The following DNAJC3 variants were observed in gnomAD, a reference collection of about 807,000 sequenced individuals.
DNAJC3 encodes the protein dnaJ homolog subfamily C member 3.
Under a neutral mutation model 68.6 loss-of-function variants are expected in DNAJC3, and 38 were observed. That is an observed-to-expected ratio of 0.55 (90% CI 0.43 to 0.73). The LOEUF (loss-of-function observed/expected upper bound fraction) is 0.73. Among genes scored for constraint, DNAJC3 ranks in the 30% least tolerant of loss-of-function variants. DNAJC3 has a pLI of 0.00. For synonymous variants in DNAJC3, 203 were observed against 204.0 expected (o/e 1.00, Z 0.04); for missense variants, 526 against 591.9 (o/e 0.89, Z 1.16).
rs181850797 is a variant in DNAJC3, at chr13:95,718,226, T to C, written c.194-5016T>C. 2.2e-3 allele frequency among the ~76,000 whole-genome samples: 335 copies of C among 152,356 alleles called. 3 individuals are homozygous for C. The highest frequency in any genetic ancestry group is 3.4e-3 in the Non-Finnish European group (233 of 68,042). ...TGGATAATAGGAAAAATACTTATTT[T>C]CAAGGTTATCCAGTCTTGTATTGGT... On this transcript the variant is annotated intron_variant, in intron 2 of 11. Coordinates refer to ENST00000602402, the MANE Select transcript of DNAJC3 (RefSeq NM_006260.5).
rs529139375 is a variant in DNAJC3 at position 95,732,888 on chromosome 13, AT to A, written c.393+7643del. On this transcript the variant is annotated intron_variant, in intron 4 of 11. Transcript: ENST00000602402. ...TTCCATTTTCATTTGTTTCAAAAAA[AT>A]TTTTTTATTTCCATCTTAATTTCTT... Among the ~76,000 whole-genome samples, 543 of 151,928 alleles carry A rather than the reference AT, an allele frequency of 3.6e-3. 3 individuals are homozygous for A. Among genetic ancestry groups the A allele is most frequent in the African/African-American group, 0.012 (517 of 41,468 alleles).
intron 9 of DNAJC3, among the ~76,000 whole-genome samples, chr13:95,769,322 G>A (rs1365459840): frequency 6.6e-6 from 1 of 152,192 alleles, no homozygotes; most frequent in African/African-American, 2.4e-5. Flanking sequence ...TCTCATGGCT[G>A]ATGCTTTTTT....
chr13:95,777,989 T>C (rs1358191972), intron 9 of DNAJC3, among the ~76,000 whole-genome samples: 1 of 152,114 alleles, frequency 6.6e-6, no homozygotes, highest in Non-Finnish European at 1.5e-5. Flanking sequence ...TAGAAGTCAG[T>C]AACAGAAGGA....
intron 1 of DNAJC3, among the ~76,000 whole-genome samples, chr13:95,677,821 T>C (rs7330874): frequency 0.11 from 17,389 of 152,174 alleles, 1,057 homozygotes; most frequent in Middle Eastern, 0.18. Context: ...GAGGGGACAG[T>C]GTTGACTATT....
chr13:95,720,299 T>C (rs1881282456), intron 2 of DNAJC3, among the ~76,000 whole-genome samples: 1 of 152,220 alleles, frequency 6.6e-6, no homozygotes, highest in Non-Finnish European at 1.5e-5. Context: ...TTTCCAGTAT[T>C]ATTCTTTGCT....
At chr13:95,754,229 A>T (rs1357060506) in intron 4 of DNAJC3, among the ~76,000 whole-genome samples, 1 of 152,164 alleles carries the variant, frequency 6.6e-6, no homozygotes, top group African/African-American at 2.4e-5. Flanking sequence ...AAACTTACTC[A>T]GCTGGCAGGG....
chr13:95,783,208 A>G lies in DNAJC3; in HGVS notation c.1076-2731A>G, dbSNP rs563937386. Among the ~76,000 whole-genome samples the G allele has an allele frequency of 3.3e-5, 5 of 152,302 alleles. No homozygotes were observed. The East Asian group carries it at 9.6e-4, about 29-fold the overall frequency. On this transcript the variant is annotated intron_variant, in intron 9 of 11. Transcript: ENST00000602402. Reference sequence around the variant, plus strand: ...TAGTTATATCTGTGGGAAGTCTTACATCATCCATACTTAGGTTTCTAATTA... The same window carrying G: ...TAGTTATATCTGTGGGAAGTCTTACGTCATCCATACTTAGGTTTCTAATTA...
chr13:95,707,045 T>G (rs1880775617), intron 1 of DNAJC3, among the ~76,000 whole-genome samples: 1 of 152,050 alleles, frequency 6.6e-6, no homozygotes, highest in South Asian at 2.1e-4. Context: ...TGGACTGGGT[T>G]GGGTAGGGGG....
chr13:95,774,199 A>C (rs750575585), intron 9 of DNAJC3, among the ~76,000 whole-genome samples: 2 of 152,004 alleles, frequency 1.3e-5, no homozygotes, highest in Non-Finnish European at 2.9e-5. Context: ...TTTCTTTTTA[A>C]ATATAAGCAT....
chr13:95,677,329 A>C lies in DNAJC3; in HGVS notation c.74A>C (p.Gln25Pro). The change falls in exon 1 of 12, where the codon CAG becomes CCG. Residue 25 changes from glutamine to proline, a missense_variant. By Grantham distance (76) the Gln-to-Pro change is moderately conservative. Coordinates refer to ENST00000602402, the MANE Select transcript of DNAJC3 (RefSeq NM_006260.5). ...FPFLLVLVDL[Q>P]YEGAECGVNA... ...TTCCTGCTAGTCCTGGTGGATCTGC[A>C]GTACGAAGGTGAGTCCTGCCCTGCC... 2 of 1,598,352 alleles carry C rather than the reference A, an allele frequency of 1.3e-6. No homozygotes were observed. The highest frequency in any genetic ancestry group is 8.5e-7 in the Non-Finnish European group (1 of 1,173,842).
chr13:95,738,924 G>T (rs1882025169), intron 4 of DNAJC3, among the ~76,000 whole-genome samples: 1 of 151,928 alleles, frequency 6.6e-6, no homozygotes, highest in African/African-American at 2.4e-5. Context: ...AGTCTCGATG[G>T]TCTTTACATT....
Position 95,787,119 on chromosome 13 carries a change from G to T in DNAJC3, c.1321G>T (p.Asp441Tyr). 6.2e-7 allele frequency: 1 copy of T among 1,613,458 alleles called. No homozygotes were observed. Among genetic ancestry groups the T allele is most frequent in the Non-Finnish European group, 8.5e-7 (1 of 1,179,874 alleles). ...GAAAAAAGCTGAGAAAAAGTTCATT[G>T]ATATAGCAGCTGCTAAAGAAGTCCT... ...EKKKAEKKFI[D>Y]IAAAKEVLSD... Residue 441 changes from aspartate (D) to tyrosine (Y), a missense_variant, in exon 11 of 12, where the codon GAT becomes TAT. Physicochemically the swap from Asp to Tyr is radical, Grantham distance 160. Coordinates refer to ENST00000602402, the MANE Select transcript of DNAJC3 (RefSeq NM_006260.5).
chr13:95,714,743 T>A (rs1019462702), intron 2 of DNAJC3, among the ~76,000 whole-genome samples: 4 of 152,232 alleles, frequency 2.6e-5, no homozygotes, highest in African/African-American at 9.6e-5. Flanking sequence ...AGTTACTGTC[T>A]TAGAAAAAGT....
chr13:95,737,842 A>G (rs1388866853), intron 4 of DNAJC3, among the ~76,000 whole-genome samples: 3 of 124,624 alleles, frequency 2.4e-5, no homozygotes, highest in Non-Finnish European at 1.7e-5. Flanking sequence ...CTCTGATTTT[A>G]GTTATTTCTT....
At chr13:95,770,598 C>T (rs531180823) in intron 9 of DNAJC3, among the ~76,000 whole-genome samples, 1 of 152,278 alleles carries the variant, frequency 6.6e-6, no homozygotes, top group South Asian at 2.1e-4. Flanking sequence ...GGACAAATTA[C>T]GTCCCCTGTA....
At chr13:95,720,822 T>G (rs80151767) in intron 2 of DNAJC3, among the ~76,000 whole-genome samples, 13,917 of 152,198 alleles carry the variant, frequency 0.091, 925 homozygotes, top group African/African-American at 0.19. Flanking sequence ...AAGGTTTTTT[T>G]TTGTTGTTAA....
chr13:95,746,063 T>G (rs1882296025), intron 4 of DNAJC3, among the ~76,000 whole-genome samples: 1 of 152,176 alleles, frequency 6.6e-6, no homozygotes, highest in East Asian at 1.9e-4. Context: ...ATTACACCAG[T>G]AGTTGGCAAG....
Position 95,792,787 on chromosome 13 carries a change from G to C in DNAJC3, c.*1757G>C, listed in dbSNP as rs909768709. On this transcript the variant is annotated 3_prime_UTR_variant, in exon 12 of 12. Transcript: ENST00000602402. The stretch of plus-strand genomic sequence containing the variant: ...CCAAGGCATTTCTGTTTATTCTTTA[G>C]TAATCTCACTACTGGCTATGTCAGC... The C allele has an allele frequency of 8.5e-5, 13 of 152,218 alleles. No individual in the cohort carries two copies. Among genetic ancestry groups the C allele is most frequent in the African/African-American group, 3.1e-4 (13 of 41,546 alleles). The allele number at this position is 152,218 out of a possible 1,614,324, so 9.4% of individuals were successfully genotyped here.
At chr13:95,789,708 T>C (rs1454160409) in intron 11 of DNAJC3, among the ~76,000 whole-genome samples, 2 of 152,214 alleles carry the variant, frequency 1.3e-5, no homozygotes, top group Admixed American at 1.3e-4. Flanking sequence ...ATTTCTTTCT[T>C]TAAGGAATTG....
Sources: gnomAD v4.1 joint callset for allele counts (sites outside exome capture counted in the v4.1 genomes callset) on GRCh38, gnomAD v4.1.1 for gene constraint, MANE v1.5 for transcripts, NCBI Gene and HGNC (gene_info 2026-07-23, HGNC 2026-07-21) for gene names.